Variants in HCRTR2 observed in about 807,000 individuals in gnomAD.
HCRTR2 encodes the protein orexin receptor type 2.
HCRTR2 carries 22 observed loss-of-function variants against 49.0 expected under a neutral mutation model. The observed-to-expected ratio is 0.45, with a 90% CI of 0.32 to 0.64. The LOEUF (loss-of-function observed/expected upper bound fraction) is 0.64. Among genes scored for constraint, HCRTR2 ranks in the 30% least tolerant of loss-of-function variants. HCRTR2 has a pLI of 0.04. For missense variants in HCRTR2, 491 were observed against 559.4 expected, an observed-to-expected ratio of 0.88 and a Z score of 1.23; for synonymous variants, 236 against 205.3, an observed-to-expected ratio of 1.15 and a Z score of -1.28.
chr6:55,184,848 G>A (rs1176981695), intron 1 of HCRTR2, among the ~76,000 whole-genome samples: 3 of 152,156 alleles, frequency 2.0e-5, no homozygotes, highest in Admixed American at 2.0e-4. Context: ...AACCATGTGA[G>A]GCCTTGATTT....
intron 1 of HCRTR2, among the ~76,000 whole-genome samples, chr6:55,216,935 T>C (rs1365163357): frequency 2.0e-5 from 3 of 152,210 alleles, no homozygotes; most frequent in South Asian, 2.1e-4. Context: ...GTGAAGGCCA[T>C]AGTGGCCCTA....
At chr6:55,217,680 G>A (rs1765813869) in intron 1 of HCRTR2, among the ~76,000 whole-genome samples, 1 of 151,964 alleles carries the variant, frequency 6.6e-6, no homozygotes, top group Non-Finnish European at 1.5e-5. Context: ...TAGTATTTTG[G>A]CCATAATCAC....
At chr6:55,190,722 A>T (rs113547798) in intron 1 of HCRTR2, among the ~76,000 whole-genome samples, 1 of 152,166 alleles carries the variant, frequency 6.6e-6, no homozygotes, top group Non-Finnish European at 1.5e-5. Flanking sequence ...TACATTTTTT[A>T]AAATCTTAAA....
intron 1 of HCRTR2, among the ~76,000 whole-genome samples, chr6:55,121,529 TGTCTTGTGCCA>T (rs1180476150): frequency 6.6e-6 from 1 of 151,826 alleles, no homozygotes. Context: ...AGGGCATCCC[TGTCTTGTGCCA>T]GTTTTCAAAG....
intron 4 of HCRTR2, among the ~76,000 whole-genome samples, chr6:55,274,868 T>G (rs995905200): frequency 2.6e-5 from 4 of 152,176 alleles, no homozygotes; most frequent in Non-Finnish European, 5.9e-5. Flanking sequence ...TGGAACATAT[T>G]ATATTTTCTG....
At chr6:55,154,167 A>T (rs1180095699) in intron 1 of HCRTR2, among the ~76,000 whole-genome samples, 1 of 151,914 alleles carries the variant, frequency 6.6e-6, no homozygotes, top group African/African-American at 2.4e-5. Context: ...CTAGGACCAG[A>T]AGTCTTCACA....
At chr6:55,228,201 G>C (rs1766047637) in intron 1 of HCRTR2, among the ~76,000 whole-genome samples, 1 of 148,540 alleles carries the variant, frequency 6.7e-6, no homozygotes, top group African/African-American at 2.4e-5. Context: ...AAGTCAAGCG[G>C]AATGGGGATA....
chr6:55,134,081 T>C (rs1764400574), intron 1 of HCRTR2, among the ~76,000 whole-genome samples: 1 of 151,848 alleles, frequency 6.6e-6, no homozygotes, highest in South Asian at 2.1e-4. Context: ...CCCCACTTCT[T>C]ACGTACCTCT....
intron 1 of HCRTR2, among the ~76,000 whole-genome samples, chr6:55,195,512 G>T (rs1435438653): frequency 1.3e-5 from 2 of 152,122 alleles, no homozygotes; most frequent in Admixed American, 6.5e-5. Flanking sequence ...CCAGTTTTTG[G>T]CTGCACAACA....
intron 1 of HCRTR2, among the ~76,000 whole-genome samples, chr6:55,141,813 A>G (rs967011829): frequency 6.6e-6 from 1 of 152,214 alleles, no homozygotes; most frequent in Non-Finnish European, 1.5e-5. Flanking sequence ...TAACTTGTGC[A>G]TGCACATTCA....
chr6:55,242,243 T>TA (rs1449157247), intron 1 of HCRTR2, among the ~76,000 whole-genome samples: 3 of 152,166 alleles, frequency 2.0e-5, no homozygotes, highest in African/African-American at 7.2e-5. Flanking sequence ...TTTAAGTGTA[T>TA]AGTTCAATGA....
At chr6:55,192,875 C>G (rs913454300) in intron 1 of HCRTR2, among the ~76,000 whole-genome samples, 1 of 152,098 alleles carries the variant, frequency 6.6e-6, no homozygotes, top group African/African-American at 2.4e-5. Flanking sequence ...TATCTGTGCT[C>G]AGATTTCAGA....
chr6:55,217,617 T>G (rs916526110), intron 1 of HCRTR2, among the ~76,000 whole-genome samples: 2 of 152,170 alleles, frequency 1.3e-5, no homozygotes, highest in Middle Eastern at 3.2e-3. Flanking sequence ...TGATACCTTG[T>G]TCCCCCTTTC....
chr6:55,153,940 G>A (rs573034159), intron 1 of HCRTR2, among the ~76,000 whole-genome samples: 4 of 151,742 alleles, frequency 2.6e-5, no homozygotes, highest in East Asian at 3.9e-4. Context: ...TTGGAAATGA[G>A]ACAGGAGACA....
At chr6:55,253,748 G>T (rs1437821691) in intron 2 of HCRTR2, among the ~76,000 whole-genome samples, 2 of 152,074 alleles carry the variant, frequency 1.3e-5, no homozygotes, top group African/African-American at 4.8e-5. Flanking sequence ...GGTGCTGGAG[G>T]CCATTATCCT....
chr6:55,174,158 C>A, upstream of HCRTR2: 9 of 204,974 alleles, frequency 4.4e-5, no homozygotes, highest in Admixed American at 1.1e-4. Flanking sequence ...CACCCCCCAC[C>A]CCCCAAAAAA....
intron 1 of HCRTR2, among the ~76,000 whole-genome samples, chr6:55,211,257 T>G (rs1562008440): frequency 1.3e-5 from 2 of 152,198 alleles, no homozygotes; most frequent in African/African-American, 2.4e-5. Context: ...TTAGGTCTAT[T>G]TTATTCTATA....
chr6:55,229,115 G>T (rs1167688072), intron 1 of HCRTR2, among the ~76,000 whole-genome samples: 1 of 152,184 alleles, frequency 6.6e-6, no homozygotes, highest in Non-Finnish European at 1.5e-5. Flanking sequence ...CAAAACCAAA[G>T]ATGACAAATG....
At chr6:55,125,985 C>T (rs1021635821) in intron 1 of HCRTR2, among the ~76,000 whole-genome samples, 2 of 152,032 alleles carry the variant, frequency 1.3e-5, no homozygotes, top group East Asian at 3.9e-4. Context: ...ATGTTCTTCT[C>T]TAAGCTGGTT....
Sources: allele counts gnomAD v4.1 joint callset (sites outside exome capture counted in the v4.1 genomes callset), GRCh38; gene constraint gnomAD v4.1.1; transcripts MANE v1.5; gene names NCBI Gene and HGNC (gene_info 2026-07-23, HGNC 2026-07-21).